SEMA4D: variants seen among roughly 807,000 people sequenced by gnomAD.
The protein encoded by SEMA4D is semaphorin-4D.
A neutral mutation model predicts 74.8 loss-of-function variants in SEMA4D; 22 were observed. The observed-to-expected ratio is 0.29, with a 90% CI of 0.21 to 0.42. SEMA4D has a LOEUF of 0.42. Among genes scored for constraint, SEMA4D ranks in the 10% least tolerant of loss-of-function variants. SEMA4D has a pLI of 1.00. For synonymous variants in SEMA4D, 445 were observed against 463.7 expected, an observed-to-expected ratio of 0.96 and a Z score of 0.52; for missense variants, 937 against 1,118.4, an observed-to-expected ratio of 0.84 and a Z score of 2.31.
At chr9:89,379,834 G>C (rs1261312187) in intron 15 of SEMA4D, among the ~76,000 whole-genome samples, 1 of 152,170 alleles carries the variant, frequency 6.6e-6, no homozygotes, top group African/African-American at 2.4e-5. Context: ...AAAGAAATTG[G>C]AGGCAGCTCT....
At chr9:89,430,445 G>A (rs1459077622) in intron 2 of SEMA4D, among the ~76,000 whole-genome samples, 1 of 152,184 alleles carries the variant, frequency 6.6e-6, no homozygotes, top group Non-Finnish European at 1.5e-5. Flanking sequence ...CCCACCCAGG[G>A]CAGGAGCCTG....
At chr9:89,494,146 TA>T (rs1291252345) in intron 1 of SEMA4D, among the ~76,000 whole-genome samples, 4 of 152,346 alleles carry the variant, frequency 2.6e-5, no homozygotes, top group Admixed American at 2.6e-4. Context: ...AAATTCTATT[TA>T]AAACGCCAGA....
chr9:89,423,741 C>T (rs1244134860), intron 2 of SEMA4D, among the ~76,000 whole-genome samples: 10 of 151,518 alleles, frequency 6.6e-5, no homozygotes, highest in Admixed American at 6.6e-5. Context: ...ACTTCACCTC[C>T]CCCGGCTATT....
intron 16 of SEMA4D, chr9:89,364,027 G>C (rs372683106): frequency 1.9e-6 from 3 of 1,612,110 alleles, no homozygotes; most frequent in Non-Finnish European, 2.5e-6. Flanking sequence ...GTGCAGGGGG[G>C]TTACCTCTGC....
At chr9:89,372,084 GGTGT>G (rs1377166737) in intron 16 of SEMA4D, among the ~76,000 whole-genome samples, 1 of 69,160 alleles carries the variant, frequency 1.4e-5, no homozygotes, top group Non-Finnish European at 2.8e-5. Flanking sequence ...GTGTGTGTCG[GGTGT>G]GTGTGTGGGG....
intron 5 of SEMA4D, 93 bp downstream of exon 5, chr9:89,399,183 T>G: frequency 9.6e-7 from 1 of 1,044,098 alleles, no homozygotes; most frequent in South Asian, 1.3e-5. Flanking sequence ...GAGAAAAGGC[T>G]GGCCTGCACT....
chr9:89,398,591 C>T (rs1841515069), intron 5 of SEMA4D, among the ~76,000 whole-genome samples: 1 of 152,226 alleles, frequency 6.6e-6, no homozygotes, highest in Non-Finnish European at 1.5e-5. Flanking sequence ...ACAGCTGTCC[C>T]ACACAATGAG....
chr9:89,429,317 G>A (rs374431088), intron 2 of SEMA4D, among the ~76,000 whole-genome samples: 1 of 152,330 alleles, frequency 6.6e-6, no homozygotes, highest in Admixed American at 6.5e-5. Flanking sequence ...GGAGAGCATC[G>A]ACATCCCCAT....
downstream of SEMA4D, chr9:89,376,277 G>C (rs1835772900): frequency 6.6e-6 from 1 of 152,222 alleles, no homozygotes; most frequent in Non-Finnish European, 1.5e-5. Context: ...GAGGCAGGAG[G>C]ATGGCTTAAG....
At chr9:89,364,075 C>CT (rs1833191410) in intron 16 of SEMA4D, 1 of 1,576,402 alleles carries the variant, frequency 6.3e-7, no homozygotes, top group East Asian at 2.3e-5. Flanking sequence ...GGACAACTTC[C>CT]AATTCAGTCC....
chr9:89,491,898 CGA>C (rs543840485), intron 1 of SEMA4D, among the ~76,000 whole-genome samples: 19 of 152,198 alleles, frequency 1.2e-4, no homozygotes, highest in African/African-American at 4.3e-4. Flanking sequence ...CAGCACACAC[CGA>C]GAGTCAACAG....
At chr9:89,374,073 C>T (rs990290321), downstream of SEMA4D, among the ~76,000 whole-genome samples, 7 of 152,214 alleles carry the variant, frequency 4.6e-5, no homozygotes, top group Non-Finnish European at 8.8e-5. Flanking sequence ...TCACAGCCTT[C>T]GCAGGCTGTG....
chr9:89,416,676 A>AAGG (rs940019048), intron 2 of SEMA4D, among the ~76,000 whole-genome samples: 6 of 152,268 alleles, frequency 3.9e-5, no homozygotes, highest in South Asian at 4.1e-4. Flanking sequence ...GGTCGCTTAT[A>AAGG]AGGAGGAGGA....
At chr9:89,409,720 C>A (rs1236351270) in intron 2 of SEMA4D, among the ~76,000 whole-genome samples, 3 of 152,148 alleles carry the variant, frequency 2.0e-5, no homozygotes, top group Non-Finnish European at 4.4e-5. Flanking sequence ...ACGCAAGACC[C>A]ACAAGGCCCA....
At chr9:89,420,989 TAAG>T (rs1308577534) in intron 2 of SEMA4D, among the ~76,000 whole-genome samples, 1 of 152,236 alleles carries the variant, frequency 6.6e-6, no homozygotes, top group African/African-American at 2.4e-5. Flanking sequence ...TCTGCCTAGC[TAAG>T]AAGACTCAGA....
Position 89,378,947 on chromosome 9 carries a change from G to A in SEMA4D, c.2346C>T (p.Phe782=). The part of the protein sequence containing the change: ...LIGKKKPKSD[F]CDREQSLKET... ...CCTTCAGGCTCTGCTCACGGTCACA[G>A]AAATCTGACTTGGGCTTCTTCTTCC... The change falls in exon 16 of 16, where the codon TTC becomes TTT. Residue 782 remains phenylalanine, a synonymous_variant. Transcript: ENST00000422704. 1 of 1,614,196 alleles carries A rather than the reference G, an allele frequency of 6.2e-7. No homozygotes were observed. Among genetic ancestry groups the A allele is most frequent in the Non-Finnish European group, 8.5e-7 (1 of 1,180,024 alleles).
chr9:89,427,940 G>A (rs1261197786), intron 2 of SEMA4D, among the ~76,000 whole-genome samples: 5 of 152,168 alleles, frequency 3.3e-5, no homozygotes, highest in Admixed American at 6.5e-5. Flanking sequence ...TCTGTCTCTC[G>A]TAGGGCCCAG....
At chr9:89,445,673 G>A (rs553256179) in intron 2 of SEMA4D, among the ~76,000 whole-genome samples, 1 of 152,292 alleles carries the variant, frequency 6.6e-6, no homozygotes, top group South Asian at 2.1e-4. Flanking sequence ...TCCACAAGCT[G>A]GAGACCCTGT....
At chr9:89,364,790 CAG>C (rs1833341357) in intron 16 of SEMA4D, 1 of 152,312 alleles carries the variant, frequency 6.6e-6, no homozygotes, top group Non-Finnish European at 1.5e-5. Flanking sequence ...GTGGGCGAGG[CAG>C]AGACGTTCCC....
Sources: allele counts gnomAD v4.1 joint callset (sites outside exome capture counted in the v4.1 genomes callset), GRCh38; gene constraint gnomAD v4.1.1; transcripts MANE v1.5; gene names NCBI Gene and HGNC (gene_info 2026-07-23, HGNC 2026-07-21).